The following NCAM2 variants were observed in gnomAD, a reference collection of about 807,000 sequenced individuals.
NCAM2 encodes neural cell adhesion molecule 2, also known as N-CAM-2.
NCAM2 carries 30 observed loss-of-function variants against 98.1 expected under a neutral mutation model. The observed-to-expected ratio is 0.31, with a 90% CI of 0.23 to 0.41. The LOEUF is 0.41. NCAM2 is among the 10% of genes least tolerant of loss of function. The pLI is 1.00. For synonymous variants in NCAM2, 368 were observed against 342.4 expected (o/e 1.07, Z -0.83); for missense variants, 867 against 1,005.8 (o/e 0.86, Z 1.87).
intron 12 of NCAM2, among the ~76,000 whole-genome samples, chr21:21,438,739 A>T (rs199626238): frequency 6.6e-6 from 1 of 152,022 alleles, no homozygotes; most frequent in African/African-American, 2.4e-5. Flanking sequence ...TCTTACAAAC[A>T]GCTACTCTTT....
chr21:21,213,984 T>A (rs1245363251), intron 1 of NCAM2, among the ~76,000 whole-genome samples: 2 of 152,174 alleles, frequency 1.3e-5, no homozygotes, highest in African/African-American at 2.4e-5. Flanking sequence ...ATTTTTTCCT[T>A]GAAACCTTTG....
chr21:21,398,481 C>T (rs59447229), intron 9 of NCAM2, among the ~76,000 whole-genome samples: 5,116 of 151,818 alleles, frequency 0.034, 271 homozygotes, highest in African/African-American at 0.12. Context: ...TACAAAGCAC[C>T]GAAAGCACAA....
At chr21:21,016,773 A>G (rs899734539) in intron 1 of NCAM2, among the ~76,000 whole-genome samples, 3 of 152,142 alleles carry the variant, frequency 2.0e-5, no homozygotes, top group African/African-American at 7.2e-5. Context: ...TAAGGAAATT[A>G]TGGGACAGAG....
chr21:21,051,184 C>G (rs1326005641), intron 1 of NCAM2, among the ~76,000 whole-genome samples: 1 of 152,106 alleles, frequency 6.6e-6, no homozygotes, highest in Non-Finnish European at 1.5e-5. Context: ...TTTTTCACAG[C>G]CAGCAAGGCA....
intron 9 of NCAM2, among the ~76,000 whole-genome samples, chr21:21,380,015 G>GT (rs1222309431): frequency 6.6e-6 from 1 of 152,048 alleles, no homozygotes; most frequent in Non-Finnish European, 1.5e-5. Context: ...GTCTTTTCAC[G>GT]TTTTTCTGCC....
intron 1 of NCAM2, among the ~76,000 whole-genome samples, chr21:21,168,321 C>A (rs979791555): frequency 3.9e-5 from 6 of 151,960 alleles, no homozygotes; most frequent in Non-Finnish European, 5.9e-5. Context: ...GAACATCTAC[C>A]AAAACCTACA....
At chr21:21,363,927 G>T (rs2075718451) in intron 8 of NCAM2, among the ~76,000 whole-genome samples, 1 of 152,000 alleles carries the variant, frequency 6.6e-6, no homozygotes. Flanking sequence ...TCTCTGAAGA[G>T]TTTCTTCTCT....
Position 21,388,110 on chromosome 21 carries a change from G to C in NCAM2, c.1195+14097G>C, listed in dbSNP as rs538480748. Among the ~76,000 whole-genome samples, 3 of 152,302 alleles carry C rather than the reference G, an allele frequency of 2.0e-5. No homozygotes were observed. In the South Asian group the frequency reaches 6.2e-4, roughly 32 times the overall value. ...CCAGGCTGAAGAGGCAATAAGTACA[G>C]AGAGGATATCATCTTATGGTGATGG... On this transcript the variant is annotated intron_variant, in intron 9 of 17. Transcript: ENST00000400546.
chr21:21,292,994 C>T (rs987459045), intron 5 of NCAM2, among the ~76,000 whole-genome samples: 3 of 151,780 alleles, frequency 2.0e-5, no homozygotes, highest in Non-Finnish European at 2.9e-5. Context: ...TGAAGAAATG[C>T]CACACTTAAA....
chr21:21,328,180 G>A (rs959949474), intron 6 of NCAM2, among the ~76,000 whole-genome samples: 3 of 151,948 alleles, frequency 2.0e-5, no homozygotes, highest in Non-Finnish European at 2.9e-5. Flanking sequence ...TATTGACATC[G>A]CAGCCATCAT....
chr21:21,152,065 G>C (rs1336739015), intron 1 of NCAM2, among the ~76,000 whole-genome samples: 2 of 151,750 alleles, frequency 1.3e-5, no homozygotes, highest in Non-Finnish European at 2.9e-5. Context: ...CCTCTCTTCT[G>C]GAACTCTAAC....
intron 1 of NCAM2, among the ~76,000 whole-genome samples, chr21:21,054,856 G>A (rs2065182259): frequency 6.6e-6 from 1 of 151,952 alleles, no homozygotes; most frequent in African/African-American, 2.4e-5. Flanking sequence ...CAGTCCTGCA[G>A]AAAAGTCCAG....
chr21:21,033,973 A>T (rs2064745127), intron 1 of NCAM2, among the ~76,000 whole-genome samples: 1 of 151,292 alleles, frequency 6.6e-6, no homozygotes, highest in African/African-American at 2.4e-5. Context: ...CTTTATTTTC[A>T]GGAAGTTTTA....
At chr21:21,060,173 G>A (rs1184114786) in intron 1 of NCAM2, among the ~76,000 whole-genome samples, 6 of 151,852 alleles carry the variant, frequency 4.0e-5, no homozygotes, top group Admixed American at 3.9e-4. Flanking sequence ...AATTTAATTG[G>A]ATTTATTATG....
chr21:21,330,033 T>A (rs1026710878), intron 6 of NCAM2, among the ~76,000 whole-genome samples: 5 of 152,134 alleles, frequency 3.3e-5, no homozygotes, highest in African/African-American at 1.2e-4. Context: ...GGTTATTTGT[T>A]CTACTGTCTT....
intron 1 of NCAM2, among the ~76,000 whole-genome samples, chr21:21,035,891 T>C (rs1053930578): frequency 1.3e-5 from 2 of 152,178 alleles, no homozygotes; most frequent in Admixed American, 6.5e-5. Context: ...AATCAACTTA[T>C]TTATTTTCTG....
intron 1 of NCAM2, among the ~76,000 whole-genome samples, chr21:21,255,578 T>G (rs1439442824): frequency 6.6e-6 from 1 of 152,222 alleles, no homozygotes; most frequent in African/African-American, 2.4e-5. Flanking sequence ...TGCTGTATGT[T>G]TTCTTAATTT....
intron 15 of NCAM2, among the ~76,000 whole-genome samples, chr21:21,498,504 ACC>A (rs1987406334): frequency 6.6e-6 from 1 of 152,188 alleles, no homozygotes; most frequent in South Asian, 2.1e-4. Context: ...CACATGTTGT[ACC>A]CATACAGCTC....
chr21:21,365,715 C>A (rs189851411), intron 8 of NCAM2, among the ~76,000 whole-genome samples: 1 of 151,458 alleles, frequency 6.6e-6, no homozygotes, highest in Non-Finnish European at 1.5e-5. Flanking sequence ...GGAGAGATGC[C>A]GATGATATAA....
Sources: allele counts gnomAD v4.1 joint callset (sites outside exome capture counted in the v4.1 genomes callset), GRCh38; gene constraint gnomAD v4.1.1; transcripts MANE v1.5; gene names NCBI Gene and HGNC (gene_info 2026-07-23, HGNC 2026-07-21).